RNF220: variants seen among roughly 807,000 people sequenced by gnomAD.
RNF220 encodes E3 ubiquitin-protein ligase RNF220.
A neutral mutation model predicts 67.1 loss-of-function variants in RNF220; 7 were observed. The observed-to-expected ratio is 0.10, with a 90% confidence interval of 0.06 to 0.20. RNF220 has a LOEUF of 0.20. Ranked by LOEUF, RNF220 falls within the 10% of genes least tolerant of loss-of-function variation. The pLI, the probability that RNF220 is intolerant of heterozygous loss-of-function variation, is 1.00. For synonymous variants in RNF220, 270 were observed against 283.2 expected, an observed-to-expected ratio of 0.95 and a Z score of 0.47; for missense variants, 565 against 740.3, an observed-to-expected ratio of 0.76 and a Z score of 2.75.
At chr1:44,493,945 G>A (rs1657087414) in intron 2 of RNF220, among the ~76,000 whole-genome samples, 2 of 152,172 alleles carry the variant, frequency 1.3e-5, no homozygotes, top group African/African-American at 4.8e-5. Flanking sequence ...GGTAGTTCAT[G>A]CCTGTAATCC....
chr1:44,592,231 C>T (rs1666169251), intron 2 of RNF220, among the ~76,000 whole-genome samples: 2 of 152,248 alleles, frequency 1.3e-5, no homozygotes, highest in South Asian at 4.1e-4. Context: ...CGCAGCACCA[C>T]TCTGTGCTTA....
chr1:44,529,157 G>T (rs561298588), intron 2 of RNF220, among the ~76,000 whole-genome samples: 30 of 152,182 alleles, frequency 2.0e-4, no homozygotes, highest in Non-Finnish European at 4.0e-4. Context: ...CATCATTTCA[G>T]TATTATTTAT....
In RNF220 at chr1:44,626,309, T is replaced by A; in HGVS notation, c.817T>A (p.Ser273Thr). 1 of 1,613,904 alleles carries A rather than the reference T, an allele frequency of 6.2e-7. No individual in the cohort carries two copies. The highest frequency in any genetic ancestry group is 2.2e-5 in the East Asian group (1 of 44,884). The stretch of plus-strand genomic sequence containing the variant: ...TTTCTTCTTCCAGTCCCTCCTGTTG[T>A]CTGCTTCCATCAAGAGGGAAGGAGA... ...APGTPKSLLL[S>T]ASIKREGESP... Residue 273 changes from serine to threonine, a missense_variant, in exon 5 of 15, where the codon TCT becomes ACT. Transcript: ENST00000361799.
chr1:44,541,756 C>G (rs1354480861), intron 2 of RNF220, among the ~76,000 whole-genome samples: 1 of 152,216 alleles, frequency 6.6e-6, no homozygotes. Flanking sequence ...AAGTCCTTTG[C>G]ACACTGAACC....
chr1:44,645,550 C>T lies in RNF220; in HGVS notation c.1445+62C>T. 1.3e-6 allele frequency: 2 copies of T among 1,544,786 alleles called. No individual in the cohort carries two copies. Among genetic ancestry groups the T allele is most frequent in the Non-Finnish European group, 8.9e-7 (1 of 1,124,740 alleles). ...GTTCAGTGGGAGGAGGGGCCCTTTG[C>T]TAGCAGGAAGGCCTGCTGCCAGGGC... is the stretch of plus-strand genomic sequence containing the variant. On this transcript the variant is annotated intron_variant, in intron 12 of 14. Transcript: ENST00000361799. This position sits in a 1 kb window ranked among gnomAD's most constrained non-coding sequence, Gnocchi z 5.0.
At chr1:44,446,994 C>G (rs913054191) in intron 2 of RNF220, among the ~76,000 whole-genome samples, 5 of 152,178 alleles carry the variant, frequency 3.3e-5, no homozygotes, top group Admixed American at 2.6e-4. Flanking sequence ...CTATCTCTCC[C>G]TTAAGAAGAT....
At chr1:44,585,711 C>T (rs1665646321) in intron 2 of RNF220, among the ~76,000 whole-genome samples, 1 of 152,150 alleles carries the variant, frequency 6.6e-6, no homozygotes, top group Non-Finnish European at 1.5e-5. Flanking sequence ...ACAGCCTCCA[C>T]CTAGGTTCAT....
chr1:44,424,312 G>C (rs942813359), intron 2 of RNF220, among the ~76,000 whole-genome samples: 1 of 152,104 alleles, frequency 6.6e-6, no homozygotes, highest in African/African-American at 2.4e-5. Context: ...TGGAGGATGG[G>C]GACAGGGATG....
chr1:44,579,850 G>A (rs956632033), intron 2 of RNF220, among the ~76,000 whole-genome samples: 3 of 151,776 alleles, frequency 2.0e-5, no homozygotes, highest in Admixed American at 1.3e-4. Context: ...GCAACATGGT[G>A]AGAATCCATC....
rs576063589 is a variant in RNF220 at position 44,540,280 on chromosome 1, A to C, written c.626-73885A>C. ...ACAGGACGGCTGCTGCCCAAAGGAGAAGATCAGAAAGGAAGAATCTGTAAA... is the reference window on the plus strand; with the variant it reads ...ACAGGACGGCTGCTGCCCAAAGGAGCAGATCAGAAAGGAAGAATCTGTAAA... On this transcript the variant is annotated intron_variant, in intron 2 of 14. Transcript: ENST00000361799. 2.6e-5 allele frequency among the ~76,000 whole-genome samples: 4 copies of C among 152,274 alleles called. No individual in the cohort carries two copies. The South Asian group carries it at 8.3e-4, about 32-fold the overall frequency.
At chr1:44,609,629 G>T (rs915402677) in intron 2 of RNF220, among the ~76,000 whole-genome samples, 1 of 152,212 alleles carries the variant, frequency 6.6e-6, no homozygotes, top group African/African-American at 2.4e-5. Flanking sequence ...CCAACAGAGG[G>T]GGGCAGCAGA....
chr1:44,531,738 A>G (rs559846476), intron 2 of RNF220, among the ~76,000 whole-genome samples: 2 of 152,296 alleles, frequency 1.3e-5, no homozygotes, highest in Admixed American at 6.5e-5. Flanking sequence ...CTCTTCTTCC[A>G]TGTTTGAATT....
At chr1:44,566,935 C>T (rs28404710) in intron 2 of RNF220, among the ~76,000 whole-genome samples, 14,027 of 152,206 alleles carry the variant, frequency 0.092, 695 homozygotes, top group African/African-American at 0.13. Flanking sequence ...GAGCCAGCCT[C>T]GTTATACCGG....
intron 2 of RNF220, among the ~76,000 whole-genome samples, chr1:44,576,554 G>T (rs1333746423): frequency 6.6e-6 from 1 of 152,130 alleles, no homozygotes; most frequent in Non-Finnish European, 1.5e-5. Flanking sequence ...GAAGCCAGTG[G>T]CTGGGCTGTG....
At chr1:44,461,929 T>G (rs1048512320) in intron 2 of RNF220, among the ~76,000 whole-genome samples, 13 of 65,084 alleles carry the variant, frequency 2.0e-4, no homozygotes, top group Admixed American at 6.5e-4. Flanking sequence ...TCTTTGTTTT[T>G]TTTTTTTTTT....
At chr1:44,475,323 C>G (rs1655196445) in intron 2 of RNF220, among the ~76,000 whole-genome samples, 1 of 152,054 alleles carries the variant, frequency 6.6e-6, no homozygotes, top group African/African-American at 2.4e-5. Flanking sequence ...GTAATCCCAG[C>G]ACTTTGGGAG....
In RNF220 at chr1:44,451,661, C is replaced by T. The variant is rs775198945; in HGVS notation, c.625+38939C>T. Among the ~76,000 whole-genome samples the T allele has an allele frequency of 4.0e-5, 6 of 151,896 alleles. No homozygotes were observed. In the East Asian group the frequency reaches 5.8e-4, roughly 15 times the overall value. ...TTTTGAGACGGAGTCTGGCTCTTGT[C>T]GCCCAGGCTAGAGTGCAATGGCATG... On this transcript the variant is annotated intron_variant, in intron 2 of 14. Transcript: ENST00000361799.
chr1:44,562,923 C>T (rs1663692435), intron 2 of RNF220, among the ~76,000 whole-genome samples: 1 of 152,148 alleles, frequency 6.6e-6, no homozygotes, highest in East Asian at 1.9e-4. Flanking sequence ...CACAAATGGA[C>T]GTTGGAAATA....
chr1:44,595,544 A>G (rs1466789375), intron 2 of RNF220, among the ~76,000 whole-genome samples: 1 of 152,068 alleles, frequency 6.6e-6, no homozygotes, highest in Non-Finnish European at 1.5e-5. Context: ...CAGGATCAGT[A>G]AGCAGGTGTT....
Sources: allele counts gnomAD v4.1 joint callset (sites outside exome capture counted in the v4.1 genomes callset), GRCh38; gene constraint gnomAD v4.1.1; non-coding constraint Gnocchi (gnomAD v3.1); transcripts MANE v1.5; gene names NCBI Gene and HGNC (gene_info 2026-07-23, HGNC 2026-07-21).